The following FANCC variants were observed in gnomAD, a reference collection of about 807,000 sequenced individuals.
FANCC encodes the protein Fanconi anemia group C protein.
FANCC carries 55 observed loss-of-function variants against 71.3 expected under a neutral mutation model. That is an observed-to-expected ratio of 0.77 (90% CI 0.62 to 0.97). The LOEUF is 0.97. Among genes scored for constraint, FANCC ranks in the 50% least tolerant of loss-of-function variants. The pLI is 0.00. For synonymous variants in FANCC, 275 were observed against 244.9 expected (o/e 1.12, Z -1.15); for missense variants, 678 against 670.9 (o/e 1.01, Z -0.12).
At chr9:95,255,727 A>C (rs1182824517) in intron 1 of FANCC, among the ~76,000 whole-genome samples, 3 of 152,090 alleles carry the variant, frequency 2.0e-5, no homozygotes, top group Admixed American at 2.0e-4. Flanking sequence ...TAGGCTTCAG[A>C]AGGTGGGTAA....
intron 1 of FANCC, among the ~76,000 whole-genome samples, chr9:95,270,029 A>G (rs1410678165): frequency 6.6e-6 from 1 of 152,192 alleles, no homozygotes; most frequent in Non-Finnish European, 1.5e-5. Flanking sequence ...GACACAGCAC[A>G]TGTTTCAGAG....
At chr9:95,172,239 G>T in intron 4 of FANCC, 92 bp from the exon 5 acceptor site, 1 of 779,780 alleles carries the variant, frequency 1.3e-6, no homozygotes, top group Non-Finnish European at 2.1e-6. Flanking sequence ...GTACATGGGG[G>T]TGGTCTCTAT....
intron 10 of FANCC, among the ~76,000 whole-genome samples, chr9:95,124,297 A>G (rs1430442952): frequency 6.6e-6 from 1 of 152,110 alleles, no homozygotes; most frequent in Admixed American, 6.5e-5. Flanking sequence ...ACCACTCTCG[A>G]CAGGCAATGT....
chr9:95,306,879 T>C (rs1835099403), intron 1 of FANCC, among the ~76,000 whole-genome samples: 1 of 152,140 alleles, frequency 6.6e-6, no homozygotes, highest in Non-Finnish European at 1.5e-5. Context: ...TTTATTTATT[T>C]ATTTAGTTTT....
At chr9:95,284,497 C>T (rs1429016504) in intron 1 of FANCC, among the ~76,000 whole-genome samples, 1 of 152,150 alleles carries the variant, frequency 6.6e-6, no homozygotes, top group Non-Finnish European at 1.5e-5. Context: ...CTGCAAATAA[C>T]TGGGAAAAGA....
intron 1 of FANCC, among the ~76,000 whole-genome samples, chr9:95,281,024 G>A (rs569709415): frequency 1.3e-5 from 2 of 152,182 alleles, no homozygotes; most frequent in Non-Finnish European, 2.9e-5. Flanking sequence ...AAAGGAAAAA[G>A]GAATGAAGTT....
chr9:95,146,011 G>C (rs1235531282), intron 7 of FANCC, among the ~76,000 whole-genome samples: 1 of 151,800 alleles, frequency 6.6e-6, no homozygotes. Context: ...CCAACTGGAA[G>C]AAAAATTCTA....
intron 1 of FANCC, among the ~76,000 whole-genome samples, chr9:95,308,445 G>T (rs1047302867): frequency 1.1e-5 from 1 of 89,698 alleles, no homozygotes; most frequent in Non-Finnish European, 2.2e-5. Flanking sequence ...CACCACACCC[G>T]GCTAGTTTTT....
intron 1 of FANCC, among the ~76,000 whole-genome samples, chr9:95,262,138 A>G (rs891614615): frequency 2.0e-5 from 3 of 152,192 alleles, no homozygotes; most frequent in Non-Finnish European, 4.4e-5. Flanking sequence ...AGTCACCGAG[A>G]TAACATGGCT....
At chr9:95,181,441 G>A (rs747452023) in intron 4 of FANCC, among the ~76,000 whole-genome samples, 2 of 151,864 alleles carry the variant, frequency 1.3e-5, no homozygotes, top group African/African-American at 2.4e-5. Flanking sequence ...TTTTTTTACC[G>A]CCACCTAGTG....
intron 1 of FANCC, among the ~76,000 whole-genome samples, chr9:95,264,744 C>T (rs954008921): frequency 2.6e-5 from 4 of 152,138 alleles, no homozygotes; most frequent in Non-Finnish European, 5.9e-5. Flanking sequence ...TACTTAGCTT[C>T]CAATCAATCA....
At chr9:95,162,674 CTTA>C (rs1830821081) in intron 6 of FANCC, among the ~76,000 whole-genome samples, 1 of 152,094 alleles carries the variant, frequency 6.6e-6, no homozygotes, top group Non-Finnish European at 1.5e-5. Flanking sequence ...GAACTGGTAT[CTTA>C]TTATGGTTCT....
At chr9:95,316,185 G>A (rs1835729146) in intron 1 of FANCC, among the ~76,000 whole-genome samples, 1 of 152,116 alleles carries the variant, frequency 6.6e-6, no homozygotes, top group Non-Finnish European at 1.5e-5. Context: ...GGGAGTAGTG[G>A]GTTGGTGAAA....
intron 1 of FANCC, among the ~76,000 whole-genome samples, chr9:95,266,607 CTTAG>C (rs1832398198): frequency 6.6e-6 from 1 of 152,172 alleles, no homozygotes; most frequent in Admixed American, 6.5e-5. Flanking sequence ...TAAGACATTA[CTTAG>C]TTAGAATTGC....
rs143114961 is a variant in FANCC at position 95,194,110 on chromosome 9, C to G, written c.346-21963G>C. 4.6e-5 allele frequency among the ~76,000 whole-genome samples: 7 copies of G among 152,162 alleles called. No homozygotes were observed. In the East Asian group the frequency reaches 1.4e-3, roughly 29 times the overall value. On this transcript the variant is annotated intron_variant, in intron 4 of 14. Coordinates refer to ENST00000289081, the MANE Select transcript of FANCC (RefSeq NM_000136.3). ...TTCCATTGGTAATTCTGATGTGCAG[C>G]CAGGGCCAAAACTCACTGGGCCAGG...
intron 11 of FANCC, among the ~76,000 whole-genome samples, chr9:95,116,616 C>T (rs1482124700): frequency 6.6e-6 from 1 of 152,194 alleles, no homozygotes; most frequent in South Asian, 2.1e-4. Flanking sequence ...GCAGTCTGTG[C>T]CCATGTCAGG....
intron 7 of FANCC, 107 bp from the exon 8 acceptor site, chr9:95,135,609 A>C: frequency 1.1e-6 from 1 of 918,740 alleles, no homozygotes; most frequent in Non-Finnish European, 1.7e-6. Context: ...GAGACTTCTC[A>C]TCATGGTCAC....
chr9:95,162,372 GT>G (rs1192463576), intron 6 of FANCC, among the ~76,000 whole-genome samples: 10 of 152,260 alleles, frequency 6.6e-5, no homozygotes, highest in African/African-American at 2.4e-4. Flanking sequence ...GGACACATAG[GT>G]TACTTCCACC....
intron 4 of FANCC, among the ~76,000 whole-genome samples, chr9:95,191,293 C>G (rs1473203925): frequency 6.6e-6 from 1 of 150,582 alleles, no homozygotes; most frequent in African/African-American, 2.5e-5. Context: ...CAGCCCAGCC[C>G]AGCCCAGCCC....
Sources: gnomAD v4.1 joint callset for allele counts (sites outside exome capture counted in the v4.1 genomes callset) on GRCh38, gnomAD v4.1.1 for gene constraint, MANE v1.5 for transcripts, NCBI Gene and HGNC (gene_info 2026-07-23, HGNC 2026-07-21) for gene names.